The following SPATA7 variants were observed in gnomAD, a reference collection of about 807,000 sequenced individuals.
The protein encoded by SPATA7 is spermatogenesis associated 7, also known as spermatogenesis-associated protein 7.
Under a neutral mutation model 51.8 loss-of-function variants are expected in SPATA7, and 43 were observed. The ratio of observed to expected loss-of-function variants is 0.83; its 90% CI spans 0.65 to 1.07. SPATA7 has a LOEUF of 1.07. Among genes scored for constraint, SPATA7 ranks in the 50% least tolerant of loss-of-function variants. SPATA7 has a pLI of 0.00. For missense variants in SPATA7, 683 were observed against 701.3 expected, an observed-to-expected ratio of 0.97 and a Z score of 0.30; for synonymous variants, 230 against 252.8, an observed-to-expected ratio of 0.91 and a Z score of 0.86.
chr14:88,404,313 C>T (rs77835883), intron 4 of SPATA7, among the ~76,000 whole-genome samples: 5,357 of 152,184 alleles, frequency 0.035, 304 homozygotes, highest in African/African-American at 0.12. Context: ...ATTGTTCATA[C>T]ACTACTTGAC....
At chr14:88,428,423 G>T (rs1006154265) in intron 7 of SPATA7, 1 of 152,104 alleles carries the variant, frequency 6.6e-6, no homozygotes, top group African/African-American at 2.4e-5. Context: ...GTAGAAGGTG[G>T]TAGTTTTCCA....
intron 2 of SPATA7, 178 bp downstream of exon 2, chr14:88,391,633 T>G (rs1209604627): frequency 3.0e-6 from 2 of 670,324 alleles, no homozygotes; most frequent in Non-Finnish European, 5.4e-6. Flanking sequence ...GAGTCTATGA[T>G]TTCAAACTAT....
chr14:88,435,483 A>G (rs1427119743), intron 10 of SPATA7, among the ~76,000 whole-genome samples: 1 of 152,110 alleles, frequency 6.6e-6, no homozygotes, highest in East Asian at 1.9e-4. Context: ...TTAAGTTACT[A>G]TTGACTGTAG....
At chr14:88,446,736 T>C (rs996257557) in intron 3 of SPATA7, among the ~76,000 whole-genome samples, 104 of 152,344 alleles carry the variant, frequency 6.8e-4, no homozygotes, top group African/African-American at 2.5e-3. Context: ...TTCGTTTTGT[T>C]ATGTACCCAG....
chr14:88,426,341 T>G lies in SPATA7; in HGVS notation c.482T>G (p.Leu161Arg), dbSNP rs1338339555. Reference sequence around the variant, plus strand: ...TCTTCAGAGAGACTACACCTAAGTCTACATAAATCCAGTAAAGTCATCACA... The same window carrying G: ...TCTTCAGAGAGACTACACCTAAGTCGACATAAATCCAGTAAAGTCATCACA... Reference protein sequence around the residue: ...VPSSERLHLSLHKSSKVITNG... With the variant: ...VPSSERLHLSRHKSSKVITNG... The change falls in exon 6 of 12, where the codon CTA (leucine) becomes CGA (arginine). Residue 161 changes from leucine to arginine, a missense_variant. By Grantham distance (102) the Leu-to-Arg change is moderately radical (BLOSUM62 -2). Transcript: ENST00000393545. The G allele has an allele frequency of 1.2e-6, 2 of 1,614,172 alleles. No homozygotes were observed. Among genetic ancestry groups the G allele is most frequent in the South Asian group, 2.2e-5 (2 of 91,082 alleles).
At chr14:88,470,138 T>A in exon 5 of SPATA7, 2 of 1,391,348 alleles carry the variant, frequency 1.4e-6, no homozygotes, top group Non-Finnish European at 9.8e-7. Flanking sequence ...ACTAAAAAAG[T>A]TTTTTTAAAA....
intron 3 of SPATA7, among the ~76,000 whole-genome samples, chr14:88,443,751 G>A (rs2077193915): frequency 6.6e-6 from 1 of 151,792 alleles, no homozygotes; most frequent in African/African-American, 2.4e-5. Flanking sequence ...TTCTGTCCTT[G>A]AGATAGTTTG....
Position 88,437,977 on chromosome 14 carries a change from T to TA in SPATA7, c.1361dup (p.Asn454LysfsTer2), listed in dbSNP as rs2077137130. On this transcript the variant is annotated frameshift_variant, in exon 12 of 12. Coordinates refer to ENST00000393545, the MANE Select transcript of SPATA7 (RefSeq NM_018418.5). LOFTEE classifies it low-confidence loss of function (END_TRUNC). ...GCTGGGAATTCAGAACCAAATGAAT[T>TA]AAAAAATGAAAGTGAAGTAACAATT... 4 of 1,613,916 alleles carry TA rather than the reference T, an allele frequency of 2.5e-6. No homozygotes were observed. Among genetic ancestry groups the TA allele is most frequent in the Non-Finnish European group, 1.7e-6 (2 of 1,179,972 alleles).
At chr14:88,435,959 AT>A (rs1176203126) in intron 10 of SPATA7, among the ~76,000 whole-genome samples, 1 of 152,084 alleles carries the variant, frequency 6.6e-6, no homozygotes, top group Non-Finnish European at 1.5e-5. Context: ...TGGTAGCTCA[AT>A]TTCTAGTTTT....
intron 5 of SPATA7, among the ~76,000 whole-genome samples, chr14:88,420,396 C>T (rs1566773922): frequency 6.6e-6 from 1 of 152,192 alleles, no homozygotes; most frequent in East Asian, 1.9e-4. Context: ...TATCTCTCTC[C>T]ATATTTCAGG....
At chr14:88,402,362 T>C (rs951206016) in intron 4 of SPATA7, among the ~76,000 whole-genome samples, 1 of 152,102 alleles carries the variant, frequency 6.6e-6, no homozygotes, top group Non-Finnish European at 1.5e-5. Flanking sequence ...AAAACAAGGC[T>C]GGAGAAATCA....
In SPATA7 at chr14:88,437,598, GT is replaced by G; in HGVS notation, c.1215+4del. On this transcript the variant is annotated splice_donor_variant, in intron 11 of 11. Coordinates refer to ENST00000393545, the MANE Select transcript of SPATA7 (RefSeq NM_018418.5). LOFTEE classifies it high-confidence loss of function. ...AAAACAAAATAAACATTTGGAGGAG[GT>G]TTGTCTTTCCTTATAACTTCATTAG... is the stretch of plus-strand genomic sequence containing the variant. The G allele has an allele frequency of 6.2e-7, 1 of 1,605,724 alleles. No individual in the cohort carries two copies. The highest frequency in any genetic ancestry group is 8.5e-7 in the Non-Finnish European group (1 of 1,174,100).
intron 5 of SPATA7, 113 bp downstream of exon 5, chr14:88,416,957 TC>T: frequency 1.2e-6 from 1 of 846,100 alleles, no homozygotes; most frequent in Non-Finnish European, 1.8e-6. Flanking sequence ...CCTGTAAAGA[TC>T]CAGATAGTTA....
chr14:88,426,629 G>A lies in SPATA7; in HGVS notation c.770G>A (p.Arg257His), dbSNP rs533185075. The A allele has an allele frequency of 2.3e-5, 37 of 1,613,910 alleles. No homozygotes were observed. Among genetic ancestry groups the A allele is most frequent in the Admixed American group, 2.0e-4 (12 of 59,984 alleles). Residue 257 changes from arginine (R) to histidine (H), a missense_variant, in exon 6 of 12, where the codon CGC becomes CAC. Transcript: ENST00000393545. The stretch of plus-strand genomic sequence containing the variant: ...GCAAAATCTTTCCTGTCACAGTATC[G>A]CTATTATACACCTGCCAAAAGAAAA... The part of the protein sequence containing the change: ...TEAKSFLSQY[R>H]YYTPAKRKKD...
downstream of SPATA7, among the ~76,000 whole-genome samples, chr14:88,458,892 A>C (rs550674603): frequency 4.2e-4 from 64 of 152,278 alleles, 1 homozygote; most frequent in African/African-American, 1.3e-3. Flanking sequence ...CACTGCTTTA[A>C]ATGTGTCCCA....
chr14:88,418,691 C>T (rs1041717065), intron 5 of SPATA7, among the ~76,000 whole-genome samples: 3 of 152,170 alleles, frequency 2.0e-5, no homozygotes, highest in African/African-American at 7.2e-5. Flanking sequence ...CCAGGTTGGT[C>T]TCTAACTCCT....
intron 10 of SPATA7, among the ~76,000 whole-genome samples, 197 bp downstream of exon 10, chr14:88,433,409 C>T (rs1035340710): frequency 6.6e-6 from 1 of 152,056 alleles, no homozygotes; most frequent in African/African-American, 2.4e-5. Context: ...GGGAAGTTCA[C>T]CACTTGGGAG....
chr14:88,460,037 C>A (rs557814424), downstream of SPATA7, among the ~76,000 whole-genome samples: 1 of 152,278 alleles, frequency 6.6e-6, no homozygotes, highest in South Asian at 2.1e-4. Context: ...TGAATATTGG[C>A]CCCCACTCTC....
At chr14:88,394,190 T>C (rs528869339) in intron 3 of SPATA7, among the ~76,000 whole-genome samples, 10 of 152,322 alleles carry the variant, frequency 6.6e-5, no homozygotes, top group Non-Finnish European at 1.5e-5. Flanking sequence ...AGTTGACCAG[T>C]TGTAACAGAC....
Sources: gnomAD v4.1 joint callset for allele counts (sites outside exome capture counted in the v4.1 genomes callset) on GRCh38, gnomAD v4.1.1 for gene constraint, MANE v1.5 for transcripts, NCBI Gene and HGNC (gene_info 2026-07-23, HGNC 2026-07-21) for gene names.